The following MTUS2 variants were observed in gnomAD, a reference collection of about 807,000 sequenced individuals.
MTUS2 encodes microtubule associated scaffold protein 2.
In MTUS2, 40 loss-of-function variants were observed where a neutral mutation model predicts 114.1. That is an observed-to-expected ratio of 0.35 (90% CI 0.27 to 0.46). The LOEUF (loss-of-function observed/expected upper bound fraction) is 0.46, where lower values mean the gene tolerates loss of function less well. Among genes scored for constraint, MTUS2 ranks in the 20% least tolerant of loss-of-function variants. The pLI is 1.00. For synonymous variants in MTUS2, 688 were observed against 672.0 expected (o/e 1.02, Z -0.37); for missense variants, 1,679 against 1,705.4 (o/e 0.98, Z 0.27).
chr13:29,467,059 A>G (rs548335672), intron 9 of MTUS2, among the ~76,000 whole-genome samples: 1 of 152,146 alleles, frequency 6.6e-6, no homozygotes, highest in Non-Finnish European at 1.5e-5. Context: ...AAGAGCAAAT[A>G]AGGTCACCCA....
chr13:29,256,786 C>T (rs1320545721), intron 5 of MTUS2, among the ~76,000 whole-genome samples: 1 of 152,202 alleles, frequency 6.6e-6, no homozygotes, highest in East Asian at 1.9e-4. Context: ...TTTCTTCATA[C>T]CTCATTCAGG....
chr13:29,012,288 A>G (rs1885877645), intron 2 of MTUS2, among the ~76,000 whole-genome samples: 2 of 152,024 alleles, frequency 1.3e-5, no homozygotes, highest in Admixed American at 6.6e-5. Context: ...TTCAGTTTGC[A>G]CCAACCCGAC....
At chr13:29,417,323 C>A (rs1213858293) in intron 8 of MTUS2, among the ~76,000 whole-genome samples, 2 of 152,200 alleles carry the variant, frequency 1.3e-5, no homozygotes, top group Non-Finnish European at 2.9e-5. Context: ...CACCTTCCAC[C>A]AGGTCCCACC....
At chr13:29,215,667 C>G (rs1003121696) in intron 5 of MTUS2, among the ~76,000 whole-genome samples, 12 of 152,100 alleles carry the variant, frequency 7.9e-5, no homozygotes, top group African/African-American at 2.7e-4. Context: ...TGCTGGAGGT[C>G]TACTCCAGAC....
chr13:29,116,614 T>C (rs748860404), intron 5 of MTUS2, among the ~76,000 whole-genome samples: 2 of 152,106 alleles, frequency 1.3e-5, no homozygotes, highest in Non-Finnish European at 2.9e-5. Flanking sequence ...AATAGATAAT[T>C]GTAATAATAT....
intron 8 of MTUS2, among the ~76,000 whole-genome samples, chr13:29,385,289 G>C (rs754176191): frequency 1.6e-4 from 25 of 152,196 alleles, no homozygotes; most frequent in Non-Finnish European, 4.4e-5. Flanking sequence ...TAGCTCTGTG[G>C]CCTGTCCCTG....
intron 4 of MTUS2, among the ~76,000 whole-genome samples, chr13:29,034,586 G>A (rs1040951339): frequency 6.6e-6 from 1 of 152,216 alleles, no homozygotes; most frequent in East Asian, 1.9e-4. Flanking sequence ...AGAACTCCGG[G>A]TTTCTGGCCT....
At chr13:28,916,972 A>C (rs975799917) in intron 2 of MTUS2, among the ~76,000 whole-genome samples, 4 of 151,858 alleles carry the variant, frequency 2.6e-5, no homozygotes, top group Non-Finnish European at 4.4e-5. Flanking sequence ...GGTTTTTATC[A>C]TGAAGGGATG....
chr13:29,478,157 C>T (rs1880847315), intron 9 of MTUS2, among the ~76,000 whole-genome samples: 2 of 152,222 alleles, frequency 1.3e-5, no homozygotes, highest in Admixed American at 6.5e-5. Flanking sequence ...CTGAAGGAGA[C>T]TAAGGAGACA....
At chr13:29,015,328 T>G (rs9551590) in intron 2 of MTUS2, among the ~76,000 whole-genome samples, 6,660 of 152,216 alleles carry the variant, frequency 0.044, 165 homozygotes, top group East Asian at 0.11. Context: ...CTCTGATCAT[T>G]CTAATTAGGA....
chr13:29,433,490 AG>A (rs1392854663), intron 8 of MTUS2, among the ~76,000 whole-genome samples: 5 of 152,360 alleles, frequency 3.3e-5, no homozygotes, highest in African/African-American at 9.6e-5. Context: ...GATTAACTCA[AG>A]GCATGCTATC....
At chr13:29,294,398 C>T (rs186547002) in intron 6 of MTUS2, among the ~76,000 whole-genome samples, 35 of 152,256 alleles carry the variant, frequency 2.3e-4, no homozygotes, top group Admixed American at 1.9e-3. Flanking sequence ...AACTGCTTGT[C>T]TCCTGTTCAT....
intron 4 of MTUS2, among the ~76,000 whole-genome samples, chr13:29,097,923 A>T (rs886742377): frequency 6.6e-6 from 1 of 152,178 alleles, no homozygotes; most frequent in Non-Finnish European, 1.5e-5. Flanking sequence ...GAGAAATAGT[A>T]AGTACTATAT....
At chr13:28,830,759 AACTC>A (rs933026288) in intron 1 of MTUS2, among the ~76,000 whole-genome samples, 13 of 152,146 alleles carry the variant, frequency 8.5e-5, no homozygotes, top group African/African-American at 3.1e-4. Flanking sequence ...AATGGACAAA[AACTC>A]AAGCAGCAAG....
Position 29,267,267 on chromosome 13 carries a change from C to T in MTUS2, c.2645-14437C>T, listed in dbSNP as rs114105924. Among the ~76,000 whole-genome samples the T allele has an allele frequency of 7.2e-3, 1,095 of 152,284 alleles. 12 individuals are homozygous for T. The highest frequency in any genetic ancestry group is 0.025 in the African/African-American group (1,030 of 41,554). On this transcript the variant is annotated intron_variant, in intron 5 of 15. Transcript: ENST00000612955. ...ATCAATAATGCATAAAGGAGGTGGG[C>T]GCAGCTGAGAGGAATGTTTGTTGTA...
chr13:29,140,440 G>A (rs1003426156), intron 5 of MTUS2, among the ~76,000 whole-genome samples: 7 of 152,182 alleles, frequency 4.6e-5, no homozygotes, highest in African/African-American at 1.7e-4. Context: ...GCAGTCTCAC[G>A]TCCTGTCAGA....
At chr13:29,179,700 T>C (rs1893919146) in intron 5 of MTUS2, among the ~76,000 whole-genome samples, 1 of 152,248 alleles carries the variant, frequency 6.6e-6, no homozygotes, top group African/African-American at 2.4e-5. Context: ...AATCTGAAAA[T>C]ACATTTGGTG....
At chr13:29,086,768 C>G (rs140626440) in intron 4 of MTUS2, among the ~76,000 whole-genome samples, 2 of 151,998 alleles carry the variant, frequency 1.3e-5, no homozygotes, top group Non-Finnish European at 2.9e-5. Flanking sequence ...GGAATTTTTT[C>G]CATTTCTTTG....
intron 6 of MTUS2, among the ~76,000 whole-genome samples, chr13:29,282,556 A>G (rs1898317440): frequency 6.6e-6 from 1 of 152,140 alleles, no homozygotes; most frequent in South Asian, 2.1e-4. Flanking sequence ...TCCCTCCCAC[A>G]AGTGCATCTA....
Sources: allele counts gnomAD v4.1 joint callset (sites outside exome capture counted in the v4.1 genomes callset), GRCh38; gene constraint gnomAD v4.1.1; transcripts MANE v1.5; gene names NCBI Gene and HGNC (gene_info 2026-07-23, HGNC 2026-07-21).